Variants in STMN4 observed in about 807,000 individuals in gnomAD.
STMN4 encodes stathmin-4.
Under a neutral mutation model 29.1 loss-of-function variants are expected in STMN4, and 12 were observed. The ratio of observed to expected loss-of-function variants is 0.41; its 90% confidence interval spans 0.26 to 0.67. The LOEUF is 0.67. Ranked by LOEUF, STMN4 falls within the 30% of genes least tolerant of loss-of-function variation. The pLI is 0.30. For missense variants in STMN4, 181 were observed against 262.8 expected (o/e 0.69, Z 2.15); for synonymous variants, 114 against 105.3 (o/e 1.08, Z -0.51).
intron 1 of STMN4, among the ~76,000 whole-genome samples, chr8:27,255,305 T>G (rs577187137): frequency 6.6e-6 from 1 of 152,312 alleles, no homozygotes; most frequent in African/African-American, 2.4e-5. Context: ...TCCCCAAAAT[T>G]TCTATCTCTC....
chr8:27,258,086 A>G (rs1466140938), intron 1 of STMN4, among the ~76,000 whole-genome samples: 2 of 152,172 alleles, frequency 1.3e-5, no homozygotes, highest in Non-Finnish European at 2.9e-5. Flanking sequence ...AGCTCACCAT[A>G]GCATCTGACA....
chr8:27,238,037 T>C lies in STMN4; in HGVS notation c.592-1132A>G, dbSNP rs142130205. On this transcript the variant is annotated intron_variant, in intron 6 of 6. Transcript: ENST00000350889. ...GCCCCCAGGTTTTCAGGATAAACTA[T>C]AAACTACGAATCTGTCCCTGCAGAC... Among the ~76,000 whole-genome samples, 610 of 152,276 alleles carry C rather than the reference T, an allele frequency of 4.0e-3. 8 individuals carry two copies. The highest frequency in any genetic ancestry group is 0.014 in the African/African-American group (571 of 41,552).
intron 1 of STMN4, among the ~76,000 whole-genome samples, chr8:27,256,821 TCTC>T (rs1290278673): frequency 6.6e-6 from 1 of 152,018 alleles, no homozygotes; most frequent in Admixed American, 6.6e-5. Context: ...AATGCAAAAA[TCTC>T]CTCTAAAGCC....
intron 1 of STMN4, among the ~76,000 whole-genome samples, chr8:27,250,797 A>C (rs1801760186): frequency 6.6e-6 from 1 of 152,202 alleles, no homozygotes; most frequent in Admixed American, 6.5e-5. Context: ...CCTATGACAA[A>C]AGCAGAACTC....
chr8:27,256,910 G>A (rs1801957798), intron 1 of STMN4, among the ~76,000 whole-genome samples: 1 of 152,084 alleles, frequency 6.6e-6, no homozygotes, highest in Non-Finnish European at 1.5e-5. Flanking sequence ...AGGGCAGCAT[G>A]CTCTATGGTA....
chr8:27,236,528 C>G lies in STMN4; in HGVS notation c.*318G>C, dbSNP rs1389809169. 5.0e-6 allele frequency: 1 copy of G among 200,526 alleles called. No individual in the cohort carries two copies. Among genetic ancestry groups the G allele is most frequent in the Non-Finnish European group, 1.0e-5 (1 of 99,866 alleles). 12.4% of individuals were successfully genotyped at this position (200,526 alleles called of 1,614,324 possible). ...CTCCTCAACATGGTGCCTGGAGGCT[C>G]AATGTCCAGGTAGAGATGTGAAAAT... On this transcript the variant is annotated 3_prime_UTR_variant, in exon 7 of 7. Transcript: ENST00000350889.
At chr8:27,237,605 A>G (rs1196203492) in intron 6 of STMN4, among the ~76,000 whole-genome samples, 3 of 151,996 alleles carry the variant, frequency 2.0e-5, no homozygotes, top group African/African-American at 7.3e-5. Flanking sequence ...ATGTTGCCCA[A>G]CTCCAAAAAG....
At position 27,241,113 on chromosome 8, in the gene STMN4, G is replaced by T. The variant is rs1801456810; in HGVS notation, c.340C>A (p.Arg114=). The change falls in exon 5 of 7, where the codon CGA becomes AGA. Residue 114 remains arginine, a synonymous_variant. Coordinates refer to ENST00000350889, the MANE Select transcript of STMN4 (RefSeq NM_030795.4). Reference sequence around the variant, plus strand: ...TGGATCTCTTCCAGGGATGGGTCTCGCCGCCTTGGCAGGGAGGCGTTGAAC... The same window carrying T: ...TGGATCTCTTCCAGGGATGGGTCTCTCCGCCTTGGCAGGGAGGCGTTGAAC... ...PEFNASLPRR[R]DPSLEEIQKK... The T allele has an allele frequency of 3.7e-6, 6 of 1,614,200 alleles. No homozygotes were observed. Among genetic ancestry groups the T allele is most frequent in the Non-Finnish European group, 5.1e-6 (6 of 1,180,028 alleles).
chr8:27,236,747 A>T lies in STMN4; in HGVS notation c.*99T>A. 1 of 1,164,966 alleles carries T rather than the reference A, an allele frequency of 8.6e-7. No homozygotes were observed. The allele number at this position is 1,164,966 out of a possible 1,614,324, so 72.2% of individuals were successfully genotyped here. A position where few individuals can be genotyped will look rare whatever the true frequency, so the allele number is the denominator to read the frequency against. On this transcript the variant is annotated 3_prime_UTR_variant, in exon 7 of 7. Transcript: ENST00000350889. ...CCCTTGGCCACCCCCCTCCCCCCAA[A>T]CCCCAGTGCTGGGAGCGCAGCCGGC... is the stretch of plus-strand genomic sequence containing the variant.
intron 6 of STMN4, chr8:27,239,168 C>T (rs1294242307): frequency 1.3e-6 from 2 of 1,514,992 alleles, no homozygotes; most frequent in African/African-American, 2.8e-5. Flanking sequence ...GGACCTGTTG[C>T]CAAGGGCCTG....
chr8:27,246,856 C>A (rs1801637565), intron 1 of STMN4, among the ~76,000 whole-genome samples: 1 of 152,140 alleles, frequency 6.6e-6, no homozygotes, highest in Non-Finnish European at 1.5e-5. Context: ...TGCAGTAGCC[C>A]CGGGGAAACT....
intron 1 of STMN4, among the ~76,000 whole-genome samples, chr8:27,254,889 G>C (rs1310554574): frequency 6.8e-6 from 1 of 147,788 alleles, no homozygotes; most frequent in Non-Finnish European, 1.5e-5. Flanking sequence ...GATGGAGTGG[G>C]AGCATTCACA....
chr8:27,236,222 T>C lies in STMN4; in HGVS notation c.*624A>G, dbSNP rs528566797. On this transcript the variant is annotated 3_prime_UTR_variant, in exon 7 of 7. Transcript: ENST00000350889. ...AAGCAAAGGGGCATCTGCCATCAGATGGATGAAAGCCAGGTTTCGAGAACT... is the reference window on the plus strand; with the variant it reads ...AAGCAAAGGGGCATCTGCCATCAGACGGATGAAAGCCAGGTTTCGAGAACT... 1 of 152,254 alleles carries C rather than the reference T, an allele frequency of 6.6e-6. No homozygotes were observed. Among genetic ancestry groups the C allele is most frequent in the East Asian group, 1.9e-4 (1 of 5,196 alleles). 9.4% of individuals were successfully genotyped at this position (152,254 alleles called of 1,614,324 possible). A position where few individuals can be genotyped will look rare whatever the true frequency, so the allele number is the denominator to read the frequency against.
rs1432006904 is a variant in STMN4 at position 27,235,723 on chromosome 8, C to A, written c.*1123G>T. 6.6e-6 allele frequency: 1 copy of A among 152,202 alleles called. No homozygotes were observed. The highest frequency in any genetic ancestry group is 1.5e-5 in the Non-Finnish European group (1 of 68,058). The allele number at this position is 152,202 out of a possible 1,614,324, so 9.4% of individuals were successfully genotyped here. ...GGTGAGATCATGAGGACTCCACCTT[C>A]ATGAATGGGATTAGTGCCTTAAAGA... On this transcript the variant is annotated 3_prime_UTR_variant, in exon 7 of 7. Coordinates refer to ENST00000350889, the MANE Select transcript of STMN4 (RefSeq NM_030795.4).
intron 1 of STMN4, among the ~76,000 whole-genome samples, chr8:27,255,616 C>T (rs1468846898): frequency 1.3e-5 from 2 of 152,138 alleles, no homozygotes; most frequent in Non-Finnish European, 2.9e-5. Flanking sequence ...TCTTACCTTC[C>T]TAATTTATTT....
intron 1 of STMN4, among the ~76,000 whole-genome samples, chr8:27,253,479 G>A (rs1801850559): frequency 6.6e-6 from 1 of 152,146 alleles, no homozygotes; most frequent in Admixed American, 6.5e-5. Context: ...CTGGATTATC[G>A]TTATTGAGTT....
intron 4 of STMN4, 67 bp from the exon 5 acceptor site, chr8:27,241,329 C>T: frequency 6.3e-7 from 1 of 1,592,682 alleles, no homozygotes. Flanking sequence ...AAGCATGCGG[C>T]GCATGCACAC....
At chr8:27,252,485 C>G (rs1286893788) in intron 1 of STMN4, among the ~76,000 whole-genome samples, 1 of 152,204 alleles carries the variant, frequency 6.6e-6, no homozygotes, top group Non-Finnish European at 1.5e-5. Context: ...GAGATGGGGT[C>G]TCACTGTGTT....
chr8:27,251,436 G>T (rs1268400442), intron 1 of STMN4, among the ~76,000 whole-genome samples: 2 of 151,784 alleles, frequency 1.3e-5, no homozygotes, highest in Non-Finnish European at 2.9e-5. Flanking sequence ...CAAGGCATGT[G>T]ACCCAGGAGT....
Sources: gnomAD v4.1 joint callset for allele counts (sites outside exome capture counted in the v4.1 genomes callset) on GRCh38, gnomAD v4.1.1 for gene constraint, MANE v1.5 for transcripts, NCBI Gene and HGNC (gene_info 2026-07-23, HGNC 2026-07-21) for gene names.